Variants in SHISA9 observed in about 807,000 individuals in gnomAD.
The protein encoded by SHISA9 is protein shisa-9.
A neutral mutation model predicts 38.0 loss-of-function variants in SHISA9; 13 were observed. The observed-to-expected ratio is 0.34, with a 90% CI of 0.22 to 0.54. The LOEUF is 0.54. Ranked by LOEUF, SHISA9 falls within the 20% of genes least tolerant of loss-of-function variation. The pLI is 0.91. For synonymous variants in SHISA9, 275 were observed against 242.0 expected (o/e 1.14, Z -1.27); for missense variants, 538 against 575.8 (o/e 0.93, Z 0.67).
chr16:13,476,685 C>CTCTTGTTCTT, the SHISA9 span, among the ~76,000 whole-genome samples: 94 of 151,206 alleles, frequency 6.2e-4, 1 homozygote, highest in South Asian at 0.013. Context: ...CACTTAGCCC[C>CTCTTGTTCTT]TCTTGTTCTT....
chr16:13,388,734 A>G, the SHISA9 span, among the ~76,000 whole-genome samples: 2 of 152,122 alleles, frequency 1.3e-5, no homozygotes, highest in Non-Finnish European at 2.9e-5. Context: ...AATCTGGCAC[A>G]TCGTAGATGT....
intron 2 of SHISA9, among the ~76,000 whole-genome samples, chr16:12,927,713 T>G (rs1418087781): frequency 1.3e-5 from 2 of 152,052 alleles, no homozygotes; most frequent in Admixed American, 6.6e-5. Context: ...CTGCCTGTTT[T>G]TTACTTATGT....
chr16:13,197,141 A>G (rs1431394179), intron 2 of SHISA9, among the ~76,000 whole-genome samples: 2 of 148,780 alleles, frequency 1.3e-5, no homozygotes, highest in African/African-American at 2.5e-5. Flanking sequence ...ACACACATAT[A>G]TGTGTATATA....
the SHISA9 span, among the ~76,000 whole-genome samples, chr16:13,520,818 T>A: frequency 6.6e-6 from 1 of 152,020 alleles, no homozygotes; most frequent in South Asian, 2.1e-4. Flanking sequence ...GCGCAAGAGA[T>A]TAGCTGTTTT....
the SHISA9 span, among the ~76,000 whole-genome samples, chr16:13,475,165 G>C: frequency 6.6e-6 from 1 of 151,984 alleles, no homozygotes; most frequent in South Asian, 2.1e-4. Context: ...AAAGATGAAG[G>C]GATGGAGATG....
chr16:13,069,081 A>AT (rs1331195597), intron 2 of SHISA9, among the ~76,000 whole-genome samples: 1 of 151,746 alleles, frequency 6.6e-6, no homozygotes, highest in Non-Finnish European at 1.5e-5. Flanking sequence ...ACATGTGTAC[A>AT]TGCAATGTGT....
the SHISA9 span, among the ~76,000 whole-genome samples, chr16:13,355,878 T>C: frequency 6.6e-6 from 1 of 152,188 alleles, no homozygotes; most frequent in African/African-American, 2.4e-5. Context: ...TCAGAAAGCC[T>C]TGGGCCAGAG....
chr16:13,376,227 A>C, the SHISA9 span, among the ~76,000 whole-genome samples: 2 of 152,246 alleles, frequency 1.3e-5, no homozygotes, highest in African/African-American at 4.8e-5. Context: ...CAATGAACAC[A>C]AATGTATAAT....
the SHISA9 span, among the ~76,000 whole-genome samples, chr16:13,383,084 A>T: frequency 1.3e-5 from 2 of 152,204 alleles, no homozygotes; most frequent in Non-Finnish European, 2.9e-5. Context: ...TTACATTCTC[A>T]TGGGTGGAGA....
At chr16:13,197,154 TATAGAGAGAG>T (rs1402585579) in intron 2 of SHISA9, among the ~76,000 whole-genome samples, 2 of 148,644 alleles carry the variant, frequency 1.3e-5, no homozygotes, top group Non-Finnish European at 1.5e-5. Context: ...TGTATATATA[TATAGAGAGAG>T]AGAGAGAGAG....
At chr16:13,458,058 G>A in the SHISA9 span, among the ~76,000 whole-genome samples, 85,261 of 151,614 alleles carry the variant, frequency 0.56, 24,831 homozygotes, top group East Asian at 0.9. Context: ...AATATTTGCA[G>A]TATTGTTCAA....
chr16:13,261,929 T>C, the SHISA9 span, among the ~76,000 whole-genome samples: 1 of 152,162 alleles, frequency 6.6e-6, no homozygotes, highest in Non-Finnish European at 1.5e-5. Context: ...GCTGAGGATA[T>C]CAGTAGGCAA....
At chr16:13,260,007 C>CTCT in the SHISA9 span, among the ~76,000 whole-genome samples, 2 of 60,418 alleles carry the variant, frequency 3.3e-5, no homozygotes, top group South Asian at 7.5e-4. Context: ...TTCTTTCTTT[C>CTCT]TTTTTTTTTT....
intron 2 of SHISA9, among the ~76,000 whole-genome samples, chr16:13,081,588 C>T (rs1359696313): frequency 6.6e-6 from 1 of 151,810 alleles, no homozygotes; most frequent in East Asian, 1.9e-4. Flanking sequence ...CCCTCCTCCT[C>T]CACCCGTGAT....
chr16:13,083,571 A>T (rs1295356873), intron 2 of SHISA9, among the ~76,000 whole-genome samples: 1 of 152,176 alleles, frequency 6.6e-6, no homozygotes. Context: ...GCTATTCTTC[A>T]GCCTGATTCC....
At chr16:12,911,366 C>G (rs567193304) in intron 1 of SHISA9, 1 of 985,276 alleles carries the variant, frequency 1.0e-6, no homozygotes, top group Non-Finnish European at 1.2e-6. Context: ...TAATTCATTA[C>G]ATTTTTTCAG....
the SHISA9 span, among the ~76,000 whole-genome samples, chr16:13,297,377 C>G: frequency 6.6e-6 from 1 of 152,192 alleles, no homozygotes; most frequent in Non-Finnish European, 1.5e-5. Flanking sequence ...TTGAAACAAA[C>G]TTAGATCGTG....
At chr16:13,381,488 G>C in the SHISA9 span, among the ~76,000 whole-genome samples, 1 of 152,178 alleles carries the variant, frequency 6.6e-6, no homozygotes, top group Non-Finnish European at 1.5e-5. Context: ...TATACACCTT[G>C]ACTCAATAGT....
intron 2 of SHISA9, among the ~76,000 whole-genome samples, chr16:13,140,029 C>T (rs754157195): frequency 8.6e-5 from 13 of 151,352 alleles, no homozygotes; most frequent in South Asian, 2.1e-4. Context: ...TCTTGTTTTG[C>T]GAGTAGATAG....
Sources: allele counts gnomAD v4.1 joint callset (sites outside exome capture counted in the v4.1 genomes callset), GRCh38; gene constraint gnomAD v4.1.1; transcripts MANE v1.5; gene names NCBI Gene and HGNC (gene_info 2026-07-23, HGNC 2026-07-21).